MTHFD1L: variants seen among roughly 807,000 people sequenced by gnomAD.
The protein encoded by MTHFD1L is monofunctional C1-tetrahydrofolate synthase, mitochondrial.
In MTHFD1L, 81 loss-of-function variants were observed where a neutral mutation model predicts 119.5. That is an observed-to-expected ratio of 0.68 (90% CI 0.57 to 0.82). The LOEUF is 0.82. Among genes scored for constraint, MTHFD1L ranks in the 40% least tolerant of loss-of-function variants. MTHFD1L has a pLI of 0.00. For synonymous variants in MTHFD1L, 430 were observed against 475.2 expected, an observed-to-expected ratio of 0.90 and a Z score of 1.24; for missense variants, 1,125 against 1,253.4, an observed-to-expected ratio of 0.90 and a Z score of 1.55.
intron 13 of MTHFD1L, chr6:150,939,233 G>T: frequency 6.3e-6 from 1 of 159,526 alleles, no homozygotes; most frequent in Non-Finnish European, 1.4e-5. Flanking sequence ...TGCGTGCCTC[G>T]GCAGCATAGA....
chr6:151,079,401 A>C (rs1264793128), intron 26 of MTHFD1L, among the ~76,000 whole-genome samples: 1 of 152,050 alleles, frequency 6.6e-6, no homozygotes, highest in Non-Finnish European at 1.5e-5. Context: ...TGGGAATGCC[A>C]CTGGGGGCAG....
chr6:151,047,416 G>C (rs1429437350), intron 26 of MTHFD1L, among the ~76,000 whole-genome samples: 1 of 152,236 alleles, frequency 6.6e-6, no homozygotes, highest in Non-Finnish European at 1.5e-5. Flanking sequence ...TAAAGTAGGT[G>C]TAGGGAAATA....
chr6:150,955,933 A>G, intron 16 of MTHFD1L, 62 bp from the exon 17 acceptor site: 2 of 1,422,114 alleles, frequency 1.4e-6, no homozygotes, highest in Middle Eastern at 1.7e-4. Context: ...GAACAATGCC[A>G]GACACACACC....
intron 13 of MTHFD1L, 22 bp from the exon 14 acceptor site, chr6:150,944,464 G>C (rs750909119): frequency 6.4e-7 from 1 of 1,555,540 alleles, no homozygotes; most frequent in African/African-American, 1.4e-5. Context: ...TAAATAAATA[G>C]AAAGATATCT....
intron 20 of MTHFD1L, among the ~76,000 whole-genome samples, chr6:150,989,125 T>A (rs1778724595): frequency 6.6e-6 from 1 of 152,220 alleles, no homozygotes; most frequent in African/African-American, 2.4e-5. Flanking sequence ...GTATAAATAA[T>A]ATCAATTTAA....
intron 8 of MTHFD1L, among the ~76,000 whole-genome samples, chr6:150,907,729 A>G (rs981710050): frequency 6.6e-6 from 1 of 152,156 alleles, no homozygotes; most frequent in Non-Finnish European, 1.5e-5. Context: ...AAGTGGAAAA[A>G]TAGTAAGTGA....
At chr6:151,097,560 G>A (rs770004185) in intron 27 of MTHFD1L, among the ~76,000 whole-genome samples, 1 of 152,196 alleles carries the variant, frequency 6.6e-6, no homozygotes, top group Non-Finnish European at 1.5e-5. Flanking sequence ...TACCCTCATA[G>A]ACAGAATAAA....
chr6:151,047,623 C>T (rs891212016), intron 26 of MTHFD1L, among the ~76,000 whole-genome samples: 1 of 152,158 alleles, frequency 6.6e-6, no homozygotes, highest in African/African-American at 2.4e-5. Flanking sequence ...CAAAAAGAGC[C>T]AATTCCATCC....
At chr6:150,963,418 A>C (rs764513330) in intron 18 of MTHFD1L, among the ~76,000 whole-genome samples, 27 of 152,246 alleles carry the variant, frequency 1.8e-4, no homozygotes, top group Non-Finnish European at 3.2e-4. Flanking sequence ...GCATATGTTA[A>C]TTAACTAGGT....
intron 24 of MTHFD1L, chr6:151,022,097 C>T (rs1006437772): frequency 2.1e-6 from 1 of 470,636 alleles, no homozygotes; most frequent in African/African-American, 2.0e-5. Context: ...CAGCCTGGAG[C>T]CGCAGCCAGC....
intron 4 of MTHFD1L, 57 bp from the exon 5 acceptor site, chr6:150,882,705 G>A: frequency 1.6e-6 from 2 of 1,262,782 alleles, no homozygotes; most frequent in Non-Finnish European, 2.1e-6. Context: ...AGCTTCCTTT[G>A]TTGGGTCTCA....
Position 150,918,687 on chromosome 6 carries a change from TCTGAG to T in MTHFD1L, c.984+20_984+24del. ...AATTCAGGTTTGTTCAACATAGCTGTCTGAGAATCTTGAGTTTGGAAGTTTGATTA... is the reference window on the plus strand; with the variant it reads ...AATTCAGGTTTGTTCAACATAGCTGTAATCTTGAGTTTGGAAGTTTGATTA... On this transcript the variant is annotated intron_variant, in intron 9 of 27. Transcript: ENST00000367321. The T allele has an allele frequency of 6.3e-7, 1 of 1,595,346 alleles. No individual in the cohort carries two copies. The highest frequency in any genetic ancestry group is 8.6e-7 in the Non-Finnish European group (1 of 1,164,710).
chr6:150,951,259 T>C (rs1794843589), intron 16 of MTHFD1L, among the ~76,000 whole-genome samples: 1 of 151,958 alleles, frequency 6.6e-6, no homozygotes, highest in South Asian at 2.1e-4. Flanking sequence ...CTCAAACTCC[T>C]GAGCTCAGGT....
intron 20 of MTHFD1L, among the ~76,000 whole-genome samples, chr6:150,990,451 A>T (rs939090722): frequency 1.3e-5 from 2 of 151,818 alleles, no homozygotes; most frequent in Admixed American, 1.3e-4. Flanking sequence ...TTTTATTTTT[A>T]TTTTTTTCTT....
chr6:150,881,683 T>TTTA (rs1248824870), intron 4 of MTHFD1L, among the ~76,000 whole-genome samples: 1 of 151,982 alleles, frequency 6.6e-6, no homozygotes, highest in Non-Finnish European at 1.5e-5. Context: ...TTCCAGTGAT[T>TTTA]TTATTATTAT....
At chr6:150,905,835 G>C (rs1583481499) in intron 8 of MTHFD1L, 74 bp downstream of exon 8, 2 of 1,186,788 alleles carry the variant, frequency 1.7e-6, no homozygotes, top group Non-Finnish European at 2.5e-6. Context: ...CTTTTCCTAA[G>C]AGGTTATGTT....
intron 1 of MTHFD1L, among the ~76,000 whole-genome samples, chr6:150,870,443 A>G (rs932040746): frequency 1.3e-5 from 2 of 152,136 alleles, no homozygotes; most frequent in African/African-American, 4.8e-5. Flanking sequence ...ACTCCTTTAC[A>G]TACCTGTACA....
chr6:150,977,878 A>G (rs1455950122), intron 20 of MTHFD1L, among the ~76,000 whole-genome samples: 1 of 151,236 alleles, frequency 6.6e-6, no homozygotes, highest in Non-Finnish European at 1.5e-5. Context: ...AGGTTCGTGC[A>G]TATGGAGACA....
intron 11 of MTHFD1L, among the ~76,000 whole-genome samples, chr6:150,930,876 T>C (rs1790922689): frequency 6.6e-6 from 1 of 152,222 alleles, no homozygotes; most frequent in Admixed American, 6.5e-5. Context: ...CTTTAGGATT[T>C]CTTATTCAGT....
Sources: allele counts gnomAD v4.1 joint callset (sites outside exome capture counted in the v4.1 genomes callset), GRCh38; gene constraint gnomAD v4.1.1; transcripts MANE v1.5; gene names NCBI Gene and HGNC (gene_info 2026-07-23, HGNC 2026-07-21).